Variants in TNNI3K observed in about 807,000 individuals in gnomAD.
TNNI3K encodes TNNI3 interacting kinase.
TNNI3K carries 140 observed loss-of-function variants against 114.5 expected under a neutral mutation model. The ratio of observed to expected loss-of-function variants is 1.22; its 90% CI spans 1.07 to 1.41. TNNI3K has a LOEUF of 1.41. TNNI3K is among the 40% of genes most tolerant of loss of function. TNNI3K has a pLI of 0.00. For missense variants in TNNI3K, 1,125 were observed against 1,007.6 expected (o/e 1.12, Z -1.58); for synonymous variants, 347 against 347.5 (o/e 1.00, Z 0.02).
chr1:74,539,108 C>T (rs1321296837), intron 23 of TNNI3K, among the ~76,000 whole-genome samples: 1 of 151,964 alleles, frequency 6.6e-6, no homozygotes, highest in African/African-American at 2.4e-5. Context: ...CTGCAAAAGC[C>T]CAAAGAGGAA....
chr1:74,454,320 A>T (rs1404636501), intron 20 of TNNI3K, among the ~76,000 whole-genome samples: 1 of 152,110 alleles, frequency 6.6e-6, no homozygotes, highest in Non-Finnish European at 1.5e-5. Context: ...TATTCATTTT[A>T]TCTAACTGTA....
intron 21 of TNNI3K, among the ~76,000 whole-genome samples, chr1:74,476,163 A>G (rs1668196539): frequency 6.6e-6 from 1 of 152,196 alleles, no homozygotes; most frequent in Non-Finnish European, 1.5e-5. Context: ...AACTCTCATA[A>G]TAGAGTGAAT....
At chr1:74,419,957 T>C (rs921329588) in intron 17 of TNNI3K, among the ~76,000 whole-genome samples, 4 of 152,062 alleles carry the variant, frequency 2.6e-5, no homozygotes, top group Admixed American at 6.6e-5. Context: ...TGATACAACA[T>C]AAATGGCTAT....
At chr1:74,302,795 T>C (rs1658406888) in intron 5 of TNNI3K, among the ~76,000 whole-genome samples, 1 of 152,206 alleles carries the variant, frequency 6.6e-6, no homozygotes, top group Non-Finnish European at 1.5e-5. Context: ...GCTATTTCCA[T>C]AACAAAAGTG....
At chr1:74,257,947 G>A (rs757152500) in intron 4 of TNNI3K, among the ~76,000 whole-genome samples, 1 of 152,134 alleles carries the variant, frequency 6.6e-6, no homozygotes, top group African/African-American at 2.4e-5. Context: ...GATTACAGGC[G>A]TGAGCCACCG....
At chr1:74,321,893 A>G (rs547790305) in intron 5 of TNNI3K, among the ~76,000 whole-genome samples, 2 of 152,204 alleles carry the variant, frequency 1.3e-5, no homozygotes, top group East Asian at 3.9e-4. Context: ...AACCAATGTT[A>G]TAACTGAAAA....
intron 21 of TNNI3K, 133 bp downstream of exon 21, chr1:74,463,683 T>C: frequency 1.1e-6 from 1 of 947,130 alleles, no homozygotes; most frequent in Non-Finnish European, 1.6e-6. Context: ...CCTTCTGCTC[T>C]TTAGTCTCTA....
chr1:74,528,777 G>A (rs572794290), intron 23 of TNNI3K, among the ~76,000 whole-genome samples: 13 of 152,270 alleles, frequency 8.5e-5, no homozygotes, highest in African/African-American at 2.9e-4. Flanking sequence ...CACCTGGGAG[G>A]AGCGGCACTT....
intron 21 of TNNI3K, among the ~76,000 whole-genome samples, chr1:74,483,538 A>G (rs1483847809): frequency 6.6e-6 from 1 of 152,230 alleles, no homozygotes; most frequent in Non-Finnish European, 1.5e-5. Flanking sequence ...CTTAATTTGC[A>G]TAGAATTTAA....
chr1:74,255,527 T>C (rs1655231936), intron 4 of TNNI3K, among the ~76,000 whole-genome samples: 1 of 152,206 alleles, frequency 6.6e-6, no homozygotes, highest in African/African-American at 2.4e-5. Context: ...TCTGCTTTCA[T>C]TAATAAAAGT....
At chr1:74,397,784 G>C (rs2100583489) in intron 17 of TNNI3K, among the ~76,000 whole-genome samples, 1 of 152,278 alleles carries the variant, frequency 6.6e-6, no homozygotes. Flanking sequence ...TAACACAATG[G>C]CTATGCTGTC....
chr1:74,426,455 G>A (rs968266499), intron 17 of TNNI3K, among the ~76,000 whole-genome samples: 1 of 151,918 alleles, frequency 6.6e-6, no homozygotes, highest in Non-Finnish European at 1.5e-5. Flanking sequence ...ATAAAGCCCA[G>A]CTCTCCTCAC....
Position 74,491,726 on chromosome 1 carries a change from A to T in TNNI3K, c.2182-371A>T, listed in dbSNP as rs533774102. Reference sequence around the variant, plus strand: ...AATTTCATGTAAAGGGAATAATTTTAGCTATGATTTAAAGGAACTCTGCCA... The same window carrying T: ...AATTTCATGTAAAGGGAATAATTTTTGCTATGATTTAAAGGAACTCTGCCA... On this transcript the variant is annotated intron_variant, in intron 22 of 24. Transcript: ENST00000326637. Among the ~76,000 whole-genome samples, 20 of 152,364 alleles carry T rather than the reference A, an allele frequency of 1.3e-4. 1 individual carries two copies. In the South Asian group the frequency reaches 4.1e-3, roughly 32 times the overall value.
chr1:74,265,164 G>A lies in TNNI3K; in HGVS notation c.334-6434G>A, dbSNP rs140607592. On this transcript the variant is annotated intron_variant, in intron 4 of 24. Coordinates refer to ENST00000326637, the MANE Select transcript of TNNI3K (RefSeq NM_015978.3). ...AGAAACACATTTTATGCTATGGAAT[G>A]CCAATTGGGTTCTCTAAAAAGCATT... 1.0e-3 allele frequency among the ~76,000 whole-genome samples: 155 copies of A among 152,036 alleles called. 1 individual carries two copies. Among genetic ancestry groups the A allele is most frequent in the Non-Finnish European group, 1.8e-3 (121 of 67,918 alleles).
chr1:74,470,917 G>C, intron 21 of TNNI3K: 1 of 400,568 alleles, frequency 2.5e-6, no homozygotes, highest in South Asian at 1.3e-4. Context: ...AGTGGACTCC[G>C]TTGTCCCTTG....
intron 5 of TNNI3K, among the ~76,000 whole-genome samples, chr1:74,323,599 A>G (rs1659741558): frequency 6.6e-6 from 1 of 152,148 alleles, no homozygotes; most frequent in Non-Finnish European, 1.5e-5. Context: ...CAGTTGCCAA[A>G]GAAGGTAGAT....
At chr1:74,512,101 C>T (rs1021637114) in intron 23 of TNNI3K, among the ~76,000 whole-genome samples, 1 of 152,170 alleles carries the variant, frequency 6.6e-6, no homozygotes, top group African/African-American at 2.4e-5. Flanking sequence ...ATGAAAAGAT[C>T]TGGATGGGAC....
At chr1:74,400,651 C>T (rs1385224617) in intron 17 of TNNI3K, among the ~76,000 whole-genome samples, 2 of 152,216 alleles carry the variant, frequency 1.3e-5, no homozygotes, top group African/African-American at 4.8e-5. Flanking sequence ...CCCTCCTTCT[C>T]CATAGGAAAT....
intron 20 of TNNI3K, among the ~76,000 whole-genome samples, chr1:74,441,275 A>C (rs1237954808): frequency 3.3e-5 from 5 of 152,072 alleles, no homozygotes; most frequent in Admixed American, 3.3e-4. Context: ...TTGGCAACCA[A>C]TGACCTCATT....
Sources: allele counts gnomAD v4.1 joint callset (sites outside exome capture counted in the v4.1 genomes callset), GRCh38; gene constraint gnomAD v4.1.1; transcripts MANE v1.5; gene names NCBI Gene and HGNC (gene_info 2026-07-23, HGNC 2026-07-21).